Variants in COMMD10 observed in about 807,000 individuals in gnomAD.
COMMD10 encodes COMM domain-containing protein 10.
A neutral mutation model predicts 28.9 loss-of-function variants in COMMD10; 33 were observed. The ratio of observed to expected loss-of-function variants is 1.14; its 90% CI spans 0.87 to 1.53. COMMD10 has a LOEUF of 1.53. COMMD10 is among the 40% of genes most tolerant of loss of function. COMMD10 has a pLI of 0.00. For missense variants in COMMD10, 310 were observed against 233.4 expected, an observed-to-expected ratio of 1.33 and a Z score of -2.14; for synonymous variants, 110 against 81.7, an observed-to-expected ratio of 1.35 and a Z score of -1.87.
At chr5:116,272,858 T>A (rs1399233801) in intron 5 of COMMD10, among the ~76,000 whole-genome samples, 1 of 151,862 alleles carries the variant, frequency 6.6e-6, no homozygotes, top group East Asian at 1.9e-4. Context: ...TTTCTGCTCT[T>A]AATTTCGGTT....
intron 4 of COMMD10, among the ~76,000 whole-genome samples, chr5:116,107,326 G>C (rs541183293): frequency 6.6e-6 from 1 of 152,220 alleles, no homozygotes; most frequent in East Asian, 1.9e-4. Context: ...ATCAAACATA[G>C]ATTTGGTCTT....
At chr5:116,199,272 C>T (rs1029879950) in intron 5 of COMMD10, among the ~76,000 whole-genome samples, 1 of 151,974 alleles carries the variant, frequency 6.6e-6, no homozygotes, top group African/African-American at 2.4e-5. Flanking sequence ...GATGAGGTTT[C>T]TGTTTAGGTT....
At chr5:116,094,286 A>G (rs1327377950) in intron 4 of COMMD10, among the ~76,000 whole-genome samples, 2 of 152,262 alleles carry the variant, frequency 1.3e-5, no homozygotes, top group African/African-American at 4.8e-5. Context: ...CAAATGATTA[A>G]TATCCAGAAT....
chr5:116,141,097 T>A (rs1752182207), intron 5 of COMMD10, among the ~76,000 whole-genome samples: 1 of 151,880 alleles, frequency 6.6e-6, no homozygotes, highest in African/African-American at 2.4e-5. Context: ...TCTTTTGAGT[T>A]TGATTTTTGT....
intron 1 of COMMD10, among the ~76,000 whole-genome samples, chr5:116,086,405 G>A (rs1413122860): frequency 6.6e-6 from 1 of 152,190 alleles, no homozygotes; most frequent in Non-Finnish European, 1.5e-5. Flanking sequence ...GAAAGGTGCT[G>A]TGGCTCATGC....
chr5:116,220,382 T>TGA (rs1275075515), intron 5 of COMMD10, among the ~76,000 whole-genome samples: 1 of 151,762 alleles, frequency 6.6e-6, no homozygotes, highest in Non-Finnish European at 1.5e-5. Context: ...AGTAGATGAC[T>TGA]GAGAGGTGAT....
At chr5:116,207,464 A>C (rs1192414511) in intron 5 of COMMD10, among the ~76,000 whole-genome samples, 1 of 152,162 alleles carries the variant, frequency 6.6e-6, no homozygotes, top group Non-Finnish European at 1.5e-5. Flanking sequence ...TCTTTTATTC[A>C]TCAGTTTCTC....
intron 5 of COMMD10, among the ~76,000 whole-genome samples, chr5:116,234,526 A>G (rs1749612632): frequency 6.6e-6 from 1 of 152,202 alleles, no homozygotes; most frequent in Non-Finnish European, 1.5e-5. Context: ...TTACTTTAAT[A>G]CAGTAAAACA....
intron 5 of COMMD10, among the ~76,000 whole-genome samples, chr5:116,269,411 G>T (rs1330559301): frequency 5.9e-5 from 9 of 151,702 alleles, no homozygotes; most frequent in Non-Finnish European, 1.3e-4. Flanking sequence ...TAAATGGTGT[G>T]ATTTCTCCTT....
At chr5:116,278,891 C>T (rs1750989416) in intron 5 of COMMD10, among the ~76,000 whole-genome samples, 2 of 151,762 alleles carry the variant, frequency 1.3e-5, no homozygotes, top group Non-Finnish European at 2.9e-5. Context: ...TGTAAGACTA[C>T]TACCATTGGG....
chr5:116,250,885 C>T (rs1263643950), intron 5 of COMMD10, among the ~76,000 whole-genome samples: 2 of 151,980 alleles, frequency 1.3e-5, no homozygotes, highest in African/African-American at 4.8e-5. Flanking sequence ...GATTTCAGTT[C>T]TTCTGAGCAA....
chr5:116,123,905 T>A (rs1463329581), intron 4 of COMMD10, among the ~76,000 whole-genome samples: 1 of 143,560 alleles, frequency 7.0e-6, no homozygotes, highest in East Asian at 2.2e-4. Context: ...TCTGTGGGAT[T>A]GGTGGTGATA....
chr5:116,185,973 A>G (rs192530538), intron 5 of COMMD10, among the ~76,000 whole-genome samples: 1 of 152,236 alleles, frequency 6.6e-6, no homozygotes, highest in African/African-American at 2.4e-5. Flanking sequence ...GCCATCAAGC[A>G]TTTTTGGAGA....
At chr5:116,120,039 C>G (rs1461745129) in intron 4 of COMMD10, among the ~76,000 whole-genome samples, 1 of 152,022 alleles carries the variant, frequency 6.6e-6, no homozygotes, top group African/African-American at 2.4e-5. Context: ...CCATGGTAAT[C>G]AAGATACAGA....
At chr5:116,233,391 G>GTGCAAA (rs1749577223) in intron 5 of COMMD10, among the ~76,000 whole-genome samples, 1 of 152,144 alleles carries the variant, frequency 6.6e-6, no homozygotes, top group Admixed American at 6.6e-5. Flanking sequence ...AGCAGTTTCA[G>GTGCAAA]GCATCCTTTG....
chr5:116,221,909 G>T (rs1228736911), intron 5 of COMMD10, among the ~76,000 whole-genome samples: 1 of 152,114 alleles, frequency 6.6e-6, no homozygotes, highest in Non-Finnish European at 1.5e-5. Context: ...AGGTAGATAG[G>T]CAGGCAGTTC....
intron 5 of COMMD10, among the ~76,000 whole-genome samples, chr5:116,201,209 T>A (rs1001213889): frequency 2.0e-5 from 3 of 152,170 alleles, no homozygotes; most frequent in African/African-American, 7.2e-5. Context: ...AATAGTTTCC[T>A]CTATGGGCAG....
At chr5:116,241,924 C>T (rs1749826528) in intron 5 of COMMD10, among the ~76,000 whole-genome samples, 1 of 152,084 alleles carries the variant, frequency 6.6e-6, no homozygotes, top group Non-Finnish European at 1.5e-5. Flanking sequence ...GCCAATTTGT[C>T]TTTTAGTTAG....
intron 5 of COMMD10, among the ~76,000 whole-genome samples, chr5:116,268,144 C>A (rs1014153059): frequency 6.6e-6 from 1 of 151,842 alleles, no homozygotes; most frequent in African/African-American, 2.4e-5. Context: ...AAAGAAACTA[C>A]CATTAGAATG....
Sources: allele counts gnomAD v4.1 joint callset (sites outside exome capture counted in the v4.1 genomes callset), GRCh38; gene constraint gnomAD v4.1.1; transcripts MANE v1.5; gene names NCBI Gene and HGNC (gene_info 2026-07-23, HGNC 2026-07-21).